KIT: variants seen among roughly 807,000 people sequenced by gnomAD.
The protein encoded by KIT is mast/stem cell growth factor receptor Kit.
A neutral mutation model predicts 105.7 loss-of-function variants in KIT; 16 were observed. That is an observed-to-expected ratio of 0.15 (90% CI 0.10 to 0.23). KIT has a LOEUF of 0.23. Ranked by LOEUF, KIT falls within the 10% of genes least tolerant of loss-of-function variation. The pLI is 1.00. For synonymous variants in KIT, 438 were observed against 441.1 expected (o/e 0.99, Z 0.09); for missense variants, 858 against 1,213.8 (o/e 0.71, Z 4.36).
chr4:54,715,433 A>G (rs1228345075), intron 7 of KIT, among the ~76,000 whole-genome samples: 1 of 151,754 alleles, frequency 6.6e-6, no homozygotes, highest in Non-Finnish European at 1.5e-5. Flanking sequence ...TATTTGGCTC[A>G]CATTTCTGCA....
chr4:54,664,318 G>A (rs778799755), intron 1 of KIT, among the ~76,000 whole-genome samples: 2 of 152,142 alleles, frequency 1.3e-5, no homozygotes, highest in Admixed American at 6.5e-5. Flanking sequence ...GCCTCAAGGA[G>A]CATGGAGGGA....
In KIT at chr4:54,733,827, A is replaced by G. The variant is rs139036651; in HGVS notation, c.2484+635A>G. Among the ~76,000 whole-genome samples the G allele has an allele frequency of 4.7e-3, 712 of 152,280 alleles. 8 individuals carry two copies. The highest frequency in any genetic ancestry group is 0.016 in the African/African-American group (681 of 41,572). ...TGCTTTTTATCTGAGGTGACACAGGACAATAGAGGCTGAAACTAGAGCCTG... is the reference window on the plus strand; with the variant it reads ...TGCTTTTTATCTGAGGTGACACAGGGCAATAGAGGCTGAAACTAGAGCCTG... On this transcript the variant is annotated intron_variant, in intron 17 of 20. Coordinates refer to ENST00000288135, the MANE Select transcript of KIT (RefSeq NM_000222.3).
chr4:54,671,977 A>G (rs1335214227), intron 1 of KIT, among the ~76,000 whole-genome samples: 3 of 152,190 alleles, frequency 2.0e-5, no homozygotes, highest in Non-Finnish European at 2.9e-5. Flanking sequence ...TTCTGAACAT[A>G]ATGATGATGC....
intron 1 of KIT, among the ~76,000 whole-genome samples, chr4:54,691,923 T>G (rs912697985): frequency 6.6e-6 from 1 of 151,976 alleles, no homozygotes; most frequent in Non-Finnish European, 1.5e-5. Flanking sequence ...TAGGAACATG[T>G]TTGGCAGATG....
intron 1 of KIT, among the ~76,000 whole-genome samples, chr4:54,664,120 G>A (rs897246578): frequency 1.3e-5 from 2 of 152,126 alleles, no homozygotes; most frequent in East Asian, 3.9e-4. Context: ...CATCCACATA[G>A]GAGATAATAT....
At chr4:54,682,096 T>TC (rs1718971303) in intron 1 of KIT, among the ~76,000 whole-genome samples, 1 of 150,768 alleles carries the variant, frequency 6.6e-6, no homozygotes, top group African/African-American at 2.4e-5. Flanking sequence ...TTTTCTTTTT[T>TC]TTTTTTTTTT....
chr4:54,669,648 T>C (rs1286956991), intron 1 of KIT, among the ~76,000 whole-genome samples: 1 of 151,636 alleles, frequency 6.6e-6, no homozygotes, highest in African/African-American at 2.4e-5. Flanking sequence ...TTGGGGCTTA[T>C]GTTTTAGTGA....
chr4:54,727,198 A>G lies in KIT; in HGVS notation c.1541-20A>G, dbSNP rs1160912123. 16 of 1,608,538 alleles carry G rather than the reference A, an allele frequency of 9.9e-6. No homozygotes were observed. Among genetic ancestry groups the G allele is most frequent in the Non-Finnish European group, 1.3e-5 (15 of 1,175,086 alleles). ...CCATCCTGCCAAAGTTTGTGATTCCACATTTCTCTTCCATTGTAGAGCAAA... is the reference window on the plus strand; with the variant it reads ...CCATCCTGCCAAAGTTTGTGATTCCGCATTTCTCTTCCATTGTAGAGCAAA... On this transcript the variant is annotated intron_variant, in intron 9 of 20. Transcript: ENST00000288135.
chr4:54,691,841 GA>G (rs1221225564), intron 1 of KIT, among the ~76,000 whole-genome samples: 1 of 152,054 alleles, frequency 6.6e-6, no homozygotes, highest in Non-Finnish European at 1.5e-5. Flanking sequence ...GAATGGAAGG[GA>G]TACAGGGTGT....
Position 54,699,617 on chromosome 4 carries a change from C to A in KIT, c.620-13C>A, listed in dbSNP as rs1035534748. On this transcript the variant is annotated splice_polypyrimidine_tract_variant and intron_variant, in intron 3 of 20. Coordinates refer to ENST00000288135, the MANE Select transcript of KIT (RefSeq NM_000222.3). Reference sequence around the variant, plus strand: ...ACAAATTATTTGAGGGGCCACATTTCTTTTCATTCTAGCCTTCAAAGCTGT... The same window carrying A: ...ACAAATTATTTGAGGGGCCACATTTATTTTCATTCTAGCCTTCAAAGCTGT... 1 of 1,613,776 alleles carries A rather than the reference C, an allele frequency of 6.2e-7. No individual in the cohort carries two copies. Among genetic ancestry groups the A allele is most frequent in the Non-Finnish European group, 8.5e-7 (1 of 1,179,780 alleles).
rs776271778 is a variant in KIT at position 54,695,504 on chromosome 4, C to G, written c.68-8C>G. On this transcript the variant is annotated splice_polypyrimidine_tract_variant and splice_region_variant and intron_variant, in intron 1 of 20. Transcript: ENST00000288135. The stretch of plus-strand genomic sequence containing the variant: ...TCATACTCAACACGATTCTGTTTTT[C>G]TTGGCAGGCTCTTCTCAACCATCTG... The G allele has an allele frequency of 9.9e-6, 16 of 1,613,954 alleles. No individual in the cohort carries two copies. Among genetic ancestry groups the G allele is most frequent in the Middle Eastern group, 3.3e-4 (2 of 6,080 alleles).
At position 54,699,744 on chromosome 4, in the gene KIT, C is replaced by T. The variant is rs755508624; in HGVS notation, c.734C>T (p.Thr245Met). ...IKDVSSSVYS[T>M]WKRENSQTKL... ...GATGTGTCTAGTTCTGTGTACTCAA[C>T]GTGGAAAAGAGAAAACAGTCAGGTG... The change falls in exon 4 of 21, where the codon ACG becomes ATG. Residue 245 changes from threonine to methionine, a missense_variant. Physicochemically the swap from Thr to Met is moderately conservative, Grantham distance 81. Coordinates refer to ENST00000288135, the MANE Select transcript of KIT (RefSeq NM_000222.3). 15 of 1,613,760 alleles carry T rather than the reference C, an allele frequency of 9.3e-6. No homozygotes were observed. Among genetic ancestry groups the T allele is most frequent in the South Asian group, 8.8e-5 (8 of 91,054 alleles).
chr4:54,727,803 T>G lies in KIT; in HGVS notation c.1775-20T>G. On this transcript the variant is annotated intron_variant, in intron 11 of 20. Transcript: ENST00000288135. ...CCACCAGCACCATCACCACTTACCT[T>G]GTTGTCTTCCTTCCTACAGGGAAAA... 6.2e-7 allele frequency: 1 copy of G among 1,600,152 alleles called. No homozygotes were observed. Among genetic ancestry groups the G allele is most frequent in the South Asian group, 1.1e-5 (1 of 90,752 alleles).
At chr4:54,712,339 C>T (rs373616348) in intron 7 of KIT, among the ~76,000 whole-genome samples, 34 of 152,304 alleles carry the variant, frequency 2.2e-4, no homozygotes, top group African/African-American at 7.5e-4. Context: ...TTCTCAGTTT[C>T]TGTATTTATC....
At position 54,739,232 on chromosome 4, in the gene KIT, C is replaced by T. The variant is rs535289870; in HGVS notation, c.*675C>T. ...CCTCCCTAGCCAGCACTTGTATATA[C>T]GCATCTATAAATTGTCCGTGTTCAT... On this transcript the variant is annotated 3_prime_UTR_variant, in exon 21 of 21. Transcript: ENST00000288135. 1.6e-4 allele frequency: 41 copies of T among 261,908 alleles called. No homozygotes were observed. The highest frequency in any genetic ancestry group is 8.0e-4 in the African/African-American group (37 of 46,276). 16.2% of individuals were successfully genotyped at this position (261,908 alleles called of 1,614,324 possible).
At chr4:54,680,008 A>G (rs1718786323) in intron 1 of KIT, among the ~76,000 whole-genome samples, 1 of 152,176 alleles carries the variant, frequency 6.6e-6, no homozygotes, top group South Asian at 2.1e-4. Context: ...CAGGGGTTGG[A>G]GGGAGCAGAG....
rs1192922107 is a variant in KIT, at chr4:54,703,747, T to C, written c.780T>C (p.Asn260=). Residue 260 remains asparagine (N), a synonymous_variant, in exon 5 of 21, where the codon AAT becomes AAC. Transcript: ENST00000288135. ...NSQTKLQEKY[N]SWHHGDFNYE... ...AGACTAAACTACAGGAGAAATATAA[T>C]AGCTGGCATCACGGTGACTTCAATT... 1.2e-6 allele frequency: 2 copies of C among 1,613,866 alleles called. No homozygotes were observed. The highest frequency in any genetic ancestry group is 4.5e-5 in the East Asian group (2 of 44,864).
At chr4:54,665,517 G>C (rs1490775246) in intron 1 of KIT, among the ~76,000 whole-genome samples, 1 of 152,138 alleles carries the variant, frequency 6.6e-6, no homozygotes, top group African/African-American at 2.4e-5. Context: ...AGAGACACGA[G>C]GAGGATAAAG....
At chr4:54,727,681 T>A (rs1473713297) in intron 11 of KIT, 139 bp downstream of exon 11, 1 of 1,328,522 alleles carries the variant, frequency 7.5e-7, no homozygotes, top group Non-Finnish European at 1.1e-6. Flanking sequence ...TTTTGATAGG[T>A]TTGCCATAGA....
Sources: gnomAD v4.1 joint callset for allele counts (sites outside exome capture counted in the v4.1 genomes callset) on GRCh38, gnomAD v4.1.1 for gene constraint, MANE v1.5 for transcripts, NCBI Gene and HGNC (gene_info 2026-07-23, HGNC 2026-07-21) for gene names.